The following CRYBG1 variants were observed in gnomAD, a reference collection of about 807,000 sequenced individuals.
The protein encoded by CRYBG1 is beta/gamma crystallin domain-containing protein 1.
In CRYBG1, 139 loss-of-function variants were observed where a neutral mutation model predicts 189.2. That is an observed-to-expected ratio of 0.73 (90% CI 0.64 to 0.85). The LOEUF is 0.85. CRYBG1 is among the 40% of genes least tolerant of loss of function. The pLI is 0.00. For missense variants in CRYBG1, 2,611 were observed against 2,675.8 expected (o/e 0.98, Z 0.53); for synonymous variants, 1,023 against 1,017.1 (o/e 1.01, Z -0.11).
At chr6:106,446,368 A>G (rs1455552653) in intron 1 of CRYBG1, among the ~76,000 whole-genome samples, 4 of 152,350 alleles carry the variant, frequency 2.6e-5, no homozygotes, top group African/African-American at 9.6e-5. Context: ...GGTTCCCTTG[A>G]GGAAATAATT....
chr6:106,383,214 G>A (rs1395226605), intron 1 of CRYBG1, among the ~76,000 whole-genome samples: 5 of 152,080 alleles, frequency 3.3e-5, no homozygotes, highest in Admixed American at 6.6e-5. Context: ...AATCACTCAG[G>A]TGTAAAAAGC....
chr6:106,507,110 T>G (rs1409590606), intron 2 of CRYBG1, among the ~76,000 whole-genome samples: 1 of 152,174 alleles, frequency 6.6e-6, no homozygotes, highest in Non-Finnish European at 1.5e-5. Context: ...CTAACAGCAC[T>G]GCAGCTAGTG....
At chr6:106,399,075 G>T (rs1167590265) in intron 1 of CRYBG1, among the ~76,000 whole-genome samples, 1 of 152,208 alleles carries the variant, frequency 6.6e-6, no homozygotes, top group African/African-American at 2.4e-5. Flanking sequence ...CAGAGAGCCA[G>T]TTTATTTTGC....
intron 21 of CRYBG1, 85 bp downstream of exon 21, chr6:106,564,011 A>G: frequency 7.2e-7 from 1 of 1,383,850 alleles, no homozygotes. Context: ...TTTGAAAATG[A>G]TGAATGTATT....
chr6:106,373,287 T>C (rs754100439), intron 1 of CRYBG1, among the ~76,000 whole-genome samples: 1 of 152,206 alleles, frequency 6.6e-6, no homozygotes, highest in Non-Finnish European at 1.5e-5. Context: ...AAGTGTTAAC[T>C]AAACCTGTTG....
At chr6:106,499,267 C>T (rs1388130471) in intron 2 of CRYBG1, among the ~76,000 whole-genome samples, 1 of 150,880 alleles carries the variant, frequency 6.6e-6, no homozygotes, top group Non-Finnish European at 1.5e-5. Flanking sequence ...ATTCTCCTGC[C>T]TCAGCCTCCC....
chr6:106,418,613 G>T (rs1023502474), intron 1 of CRYBG1, among the ~76,000 whole-genome samples: 1 of 152,174 alleles, frequency 6.6e-6, no homozygotes, highest in Admixed American at 6.5e-5. Flanking sequence ...TTGCCGTCAT[G>T]ACAGGTGTCT....
intron 1 of CRYBG1, among the ~76,000 whole-genome samples, chr6:106,406,245 A>C (rs1460442481): frequency 6.6e-6 from 1 of 152,212 alleles, no homozygotes; most frequent in Non-Finnish European, 1.5e-5. Context: ...AAGTATAAAT[A>C]GCCGAATCGA....
At chr6:106,377,621 T>TA (rs1419204336) in intron 1 of CRYBG1, among the ~76,000 whole-genome samples, 5 of 69,454 alleles carry the variant, frequency 7.2e-5, no homozygotes, top group South Asian at 1.0e-3. Flanking sequence ...TCCTAAGGTT[T>TA]TATATATATA....
intron 2 of CRYBG1, among the ~76,000 whole-genome samples, chr6:106,462,913 G>A (rs1460532684): frequency 6.6e-6 from 1 of 152,194 alleles, no homozygotes; most frequent in Non-Finnish European, 1.5e-5. Context: ...CAGCAGTTTG[G>A]GAAACCAAAG....
intron 2 of CRYBG1, among the ~76,000 whole-genome samples, chr6:106,469,670 T>A (rs9398088): frequency 0.12 from 18,642 of 152,244 alleles, 1,459 homozygotes; most frequent in South Asian, 0.25. Context: ...AGTTTTGTAA[T>A]CGTTGATATT....
chr6:106,454,454 G>A (rs1771845335), intron 2 of CRYBG1, among the ~76,000 whole-genome samples: 1 of 152,154 alleles, frequency 6.6e-6, no homozygotes, highest in South Asian at 2.1e-4. Context: ...TATATTCACA[G>A]TGAGTTCTAG....
chr6:106,391,970 T>TGTGCGCGC (rs1257494111), intron 1 of CRYBG1, among the ~76,000 whole-genome samples: 1 of 78,330 alleles, frequency 1.3e-5, no homozygotes, highest in East Asian at 2.8e-4. Context: ...TGTGTGTGTG[T>TGTGCGCGC]GCGTGCGCGT....
At position 106,560,908 on chromosome 6, in the gene CRYBG1, T is replaced by C. The variant is rs1191584995; in HGVS notation, c.5961T>C (p.Ser1987=). The C allele has an allele frequency of 3.1e-6, 5 of 1,608,930 alleles. No homozygotes were observed. The highest frequency in any genetic ancestry group is 4.2e-6 in the Non-Finnish European group (5 of 1,177,708). The change falls in exon 19 of 22, where the codon TCT becomes TCC. Residue 1987 remains serine, a synonymous_variant. Coordinates refer to ENST00000633556, the MANE Select transcript of CRYBG1 (RefSeq NM_001371242.2). The part of the protein sequence containing the change: ...YEFSGCRQIG[S]LRPFVQKRIY... Reference sequence around the variant, plus strand: ...TCAGTGGCTGTCGCCAAATAGGTTCTCTACGACCTTTTGTTCAGGTATTTT... The same window carrying C: ...TCAGTGGCTGTCGCCAAATAGGTTCCCTACGACCTTTTGTTCAGGTATTTT...
Position 106,571,910 on chromosome 6 carries a change from GTTTGAAAGGGATGGCTAGAAAAAAA to G in CRYBG1, c.*3349_*3373del. On this transcript the variant is annotated 3_prime_UTR_variant, in exon 22 of 22. Coordinates refer to ENST00000633556, the MANE Select transcript of CRYBG1 (RefSeq NM_001371242.2). ...AATGTATAATCTAATCTGGAAAAAT[GTTTGAAAGGGATGGCTAGAAAAAAA>G]TTTGGGCTCACAGGCACTCACCAAA... 1.2e-6 allele frequency: 1 copy of G among 811,848 alleles called. No homozygotes were observed. Among genetic ancestry groups the G allele is most frequent in the South Asian group, 1.5e-5 (1 of 67,118 alleles). The allele number at this position is 811,848 out of a possible 1,614,324, so 50.3% of individuals were successfully genotyped here.
chr6:106,450,967 T>C lies in CRYBG1; in HGVS notation c.174-727T>C, dbSNP rs141308659. Among the ~76,000 whole-genome samples, 341 of 152,292 alleles carry C rather than the reference T, an allele frequency of 2.2e-3. 3 individuals are homozygous for C. Among genetic ancestry groups the C allele is most frequent in the Non-Finnish European group, 3.8e-3 (258 of 68,022 alleles). On this transcript the variant is annotated intron_variant, in intron 1 of 21. Coordinates refer to ENST00000633556, the MANE Select transcript of CRYBG1 (RefSeq NM_001371242.2). Reference sequence around the variant, plus strand: ...GGCATTTGCCTAAATCAGTTACTGGTGAGGGAAACTGGACACCAGGGTTAG... The same window carrying C: ...GGCATTTGCCTAAATCAGTTACTGGCGAGGGAAACTGGACACCAGGGTTAG...
intron 2 of CRYBG1, among the ~76,000 whole-genome samples, chr6:106,492,706 C>T (rs529393642): frequency 6.7e-6 from 1 of 149,660 alleles, no homozygotes; most frequent in South Asian, 2.1e-4. Context: ...ATACATACCT[C>T]TAAATATTAT....
intron 1 of CRYBG1, among the ~76,000 whole-genome samples, chr6:106,436,621 A>G (rs1771464773): frequency 6.6e-6 from 1 of 152,038 alleles, no homozygotes; most frequent in African/African-American, 2.4e-5. Context: ...TCTACTTACC[A>G]TTATATCACA....
At chr6:106,389,368 C>T (rs1005204331) in intron 1 of CRYBG1, among the ~76,000 whole-genome samples, 2 of 152,090 alleles carry the variant, frequency 1.3e-5, no homozygotes, top group South Asian at 2.1e-4. Context: ...TGATTTGGCT[C>T]GAGTTGGACA....
Sources: allele counts gnomAD v4.1 joint callset (sites outside exome capture counted in the v4.1 genomes callset), GRCh38; gene constraint gnomAD v4.1.1; transcripts MANE v1.5; gene names NCBI Gene and HGNC (gene_info 2026-07-23, HGNC 2026-07-21).